KCNIP1: variants seen among roughly 807,000 people sequenced by gnomAD.
KCNIP1 encodes A-type potassium channel modulatory protein KCNIP1.
In KCNIP1, 18 loss-of-function variants were observed where a neutral mutation model predicts 33.0. That is an observed-to-expected ratio of 0.55 (90% CI 0.38 to 0.81). The LOEUF (loss-of-function observed/expected upper bound fraction) is 0.81, where lower values mean the gene tolerates loss of function less well. Among genes scored for constraint, KCNIP1 ranks in the 30% least tolerant of loss-of-function variants. KCNIP1 has a pLI of 0.00. For synonymous variants in KCNIP1, 93 were observed against 98.3 expected, an observed-to-expected ratio of 0.95 and a Z score of 0.32; for missense variants, 238 against 271.6, an observed-to-expected ratio of 0.88 and a Z score of 0.87.
intron 1 of KCNIP1, among the ~76,000 whole-genome samples, chr5:170,359,705 C>T (rs1264910641): frequency 1.3e-5 from 2 of 152,312 alleles, no homozygotes; most frequent in East Asian, 3.9e-4. Context: ...CCTTGGCCCT[C>T]CTGATGTCCA....
chr5:170,674,783 G>A (rs1762064361), intron 1 of KCNIP1, among the ~76,000 whole-genome samples: 2 of 152,162 alleles, frequency 1.3e-5, no homozygotes, highest in South Asian at 4.1e-4. Flanking sequence ...CTTCTCTCCA[G>A]TTGTCTTGCC....
intron 6 of KCNIP1, among the ~76,000 whole-genome samples, chr5:170,733,543 G>C (rs1403822182): frequency 6.6e-6 from 1 of 152,168 alleles, no homozygotes; most frequent in Non-Finnish European, 1.5e-5. Context: ...AGATGGACAG[G>C]GTAGCAGGGA....
chr5:170,470,605 A>G (rs1428672548), intron 1 of KCNIP1, among the ~76,000 whole-genome samples: 1 of 152,194 alleles, frequency 6.6e-6, no homozygotes, highest in Non-Finnish European at 1.5e-5. Context: ...AAGGGTTTTT[A>G]AAGGTAGAGG....
chr5:170,491,965 T>G (rs576164301), intron 1 of KCNIP1, among the ~76,000 whole-genome samples: 1 of 152,346 alleles, frequency 6.6e-6, no homozygotes, highest in East Asian at 1.9e-4. Context: ...GGAGACTCTT[T>G]CTGAGTTTTC....
chr5:170,410,020 CAT>C (rs1237460619), intron 1 of KCNIP1, among the ~76,000 whole-genome samples: 1 of 152,176 alleles, frequency 6.6e-6, no homozygotes, highest in Non-Finnish European at 1.5e-5. Context: ...AATCTGAATC[CAT>C]AGTGTTTTCC....
chr5:170,426,033 G>A (rs1460666786), intron 1 of KCNIP1, among the ~76,000 whole-genome samples: 1 of 152,110 alleles, frequency 6.6e-6, no homozygotes, highest in African/African-American at 2.4e-5. Flanking sequence ...CAGTGTGCTG[G>A]GGATTATTCC....
At chr5:170,701,215 TG>T (rs1763089450) in intron 1 of KCNIP1, among the ~76,000 whole-genome samples, 1 of 152,220 alleles carries the variant, frequency 6.6e-6, no homozygotes, top group African/African-American at 2.4e-5. Flanking sequence ...AGATGCAGGC[TG>T]GGAGGTCTGA....
At chr5:170,428,010 C>A (rs1755650166) in intron 1 of KCNIP1, among the ~76,000 whole-genome samples, 1 of 152,242 alleles carries the variant, frequency 6.6e-6, no homozygotes, top group African/African-American at 2.4e-5. Flanking sequence ...CTTCCTCTCT[C>A]CTCCACGTGG....
chr5:170,540,142 C>T (rs1327615184), intron 1 of KCNIP1, among the ~76,000 whole-genome samples: 4 of 152,118 alleles, frequency 2.6e-5, no homozygotes, highest in Non-Finnish European at 5.9e-5. Context: ...TGCTTTCCTT[C>T]TAGATTCCAG....
At chr5:170,372,718 G>A (rs143411865) in intron 1 of KCNIP1, among the ~76,000 whole-genome samples, 2,364 of 152,330 alleles carry the variant, frequency 0.016, 24 homozygotes, top group Middle Eastern at 0.024. Context: ...ACTGGCACTT[G>A]GAGAACAAGT....
intron 1 of KCNIP1, among the ~76,000 whole-genome samples, chr5:170,556,602 AAAG>A (rs142376381): frequency 0.015 from 2,225 of 152,322 alleles, 65 homozygotes; most frequent in African/African-American, 0.051. Flanking sequence ...GGAGAGGAAG[AAAG>A]AAGGAGGTGG....
rs373484845 is a variant in KCNIP1 at position 170,474,535 on chromosome 5, T to C, written c.88+120571T>C. ...CAAGAGGATTGGTCTATGAGAGAAGTCAGCTTCCATTTATCGAGCACCTAG... is the reference window on the plus strand; with the variant it reads ...CAAGAGGATTGGTCTATGAGAGAAGCCAGCTTCCATTTATCGAGCACCTAG... On this transcript the variant is annotated intron_variant, in intron 1 of 7. Coordinates refer to the KCNIP1 transcript ENST00000377360. Among the ~76,000 whole-genome samples the C allele has an allele frequency of 3.3e-5, 5 of 152,222 alleles. No individual in the cohort carries two copies. In the East Asian group the frequency reaches 5.8e-4, roughly 18 times the overall value.
rs2113385479 is a variant in KCNIP1, at chr5:170,401,555, G to A, written c.88+47591G>A. The stretch of plus-strand genomic sequence containing the variant: ...AAGACGAGAAGATTGCTTGAGCCCA[G>A]GAGTTCTAGACCAGCCTGGGCAACA... On this transcript the variant is annotated intron_variant, in intron 1 of 7. Coordinates refer to the KCNIP1 transcript ENST00000377360. 2.6e-5 allele frequency among the ~76,000 whole-genome samples: 4 copies of A among 152,242 alleles called. No homozygotes were observed. In the South Asian group the frequency reaches 8.3e-4, roughly 32 times the overall value.
intron 1 of KCNIP1, among the ~76,000 whole-genome samples, chr5:170,630,673 A>AAGACC (rs1446874645): frequency 6.6e-6 from 1 of 152,230 alleles, no homozygotes; most frequent in African/African-American, 2.4e-5. Context: ...TGAGAACATC[A>AAGACC]AGACCAGGGG....
intron 1 of KCNIP1, among the ~76,000 whole-genome samples, chr5:170,697,169 G>C (rs1762926352): frequency 6.6e-6 from 1 of 151,988 alleles, no homozygotes; most frequent in Non-Finnish European, 1.5e-5. Context: ...TCACTCCTCA[G>C]GGAAGCCTGC....
intron 1 of KCNIP1, among the ~76,000 whole-genome samples, chr5:170,470,880 T>C (rs1756707494): frequency 6.6e-6 from 1 of 152,214 alleles, no homozygotes; most frequent in Non-Finnish European, 1.5e-5. Flanking sequence ...GCATGGTGGT[T>C]GGAGTTCGGT....
chr5:170,353,733 G>C (rs2113273127), exon 1 of KCNIP1: 1 of 701,476 alleles, frequency 1.4e-6, no homozygotes, highest in East Asian at 2.7e-5. Context: ...AGAGGCAGCT[G>C]TGCTGTTCCC....
intron 1 of KCNIP1, among the ~76,000 whole-genome samples, chr5:170,490,809 C>A (rs991847963): frequency 2.6e-5 from 4 of 152,200 alleles, no homozygotes; most frequent in Admixed American, 2.0e-4. Context: ...TAGGCCCAGC[C>A]CCATCCCCTT....
At chr5:170,388,276 TCC>T (rs1764567346) in intron 1 of KCNIP1, among the ~76,000 whole-genome samples, 1 of 152,222 alleles carries the variant, frequency 6.6e-6, no homozygotes, top group Non-Finnish European at 1.5e-5. Context: ...TGATAAATCC[TCC>T]TAAGACCATG....
Sources: gnomAD v4.1 joint callset for allele counts (sites outside exome capture counted in the v4.1 genomes callset) on GRCh38, gnomAD v4.1.1 for gene constraint, MANE v1.5 for transcripts, NCBI Gene and HGNC (gene_info 2026-07-23, HGNC 2026-07-21) for gene names.